RAB3C: variants seen among roughly 807,000 people sequenced by gnomAD.
The protein encoded by RAB3C is RAB3C, member RAS oncogene family, also known as ras-related protein Rab-3C.
In RAB3C, 17 loss-of-function variants were observed where a neutral mutation model predicts 26.4. The ratio of observed to expected loss-of-function variants is 0.64; its 90% confidence interval spans 0.44 to 0.97. RAB3C has a LOEUF of 0.97. Among genes scored for constraint, RAB3C ranks in the 50% least tolerant of loss-of-function variants. RAB3C has a pLI of 0.00. For missense variants in RAB3C, 242 were observed against 281.9 expected, an observed-to-expected ratio of 0.86 and a Z score of 1.01; for synonymous variants, 91 against 95.9, an observed-to-expected ratio of 0.95 and a Z score of 0.30.
intron 3 of RAB3C, among the ~76,000 whole-genome samples, chr5:58,761,845 C>T (rs896014806): frequency 2.0e-5 from 3 of 152,030 alleles, no homozygotes; most frequent in Non-Finnish European, 4.4e-5. Context: ...TGTATGAATT[C>T]CCAGGTACCT....
intron 1 of RAB3C, among the ~76,000 whole-genome samples, chr5:58,596,975 CAT>C (rs929129061): frequency 1.1e-3 from 89 of 78,606 alleles, no homozygotes; most frequent in African/African-American, 4.1e-3. Context: ...TACATATAAA[CAT>C]ATAATAATAT....
At chr5:58,659,025 G>A (rs965909036) in intron 2 of RAB3C, among the ~76,000 whole-genome samples, 2 of 152,144 alleles carry the variant, frequency 1.3e-5, no homozygotes, top group Non-Finnish European at 2.9e-5. Context: ...GATGGGAGAA[G>A]CCACAAAGTC....
intron 2 of RAB3C, among the ~76,000 whole-genome samples, chr5:58,643,630 T>G (rs1466287311): frequency 6.6e-6 from 1 of 152,060 alleles, no homozygotes; most frequent in African/African-American, 2.4e-5. Context: ...GAGCCGAGAT[T>G]GCAATACTGC....
In RAB3C at chr5:58,851,317, C is replaced by T; in HGVS notation, c.650C>T (p.Thr217Ile). 1 of 1,610,892 alleles carries T rather than the reference C, an allele frequency of 6.2e-7. No homozygotes were observed. Among genetic ancestry groups the T allele is most frequent in the South Asian group, 1.1e-5 (1 of 90,340 alleles). Residue 217 changes from threonine to isoleucine, a missense_variant, in exon 5 of 5, where the codon ACT becomes ATT. Transcript: ENST00000282878. ...AAGCAGAACACGAGACTCAAGGAAA[C>T]TCCTCCTCCACCGCAGCCCAACTGT... is the stretch of plus-strand genomic sequence containing the variant. ...AAKQNTRLKE[T>I]PPPPQPNCAC
chr5:58,758,700 A>T (rs1741728383), intron 3 of RAB3C, among the ~76,000 whole-genome samples: 1 of 152,190 alleles, frequency 6.6e-6, no homozygotes, highest in Admixed American at 6.5e-5. Flanking sequence ...AAAAGGAAAA[A>T]AGTAAACATA....
intron 3 of RAB3C, among the ~76,000 whole-genome samples, chr5:58,748,530 A>G (rs1741449205): frequency 6.6e-6 from 1 of 152,154 alleles, no homozygotes; most frequent in South Asian, 2.1e-4. Context: ...CTGGGGAAGA[A>G]TCATACCTCT....
chr5:58,781,805 G>T (rs972448998), intron 3 of RAB3C, among the ~76,000 whole-genome samples: 1 of 152,012 alleles, frequency 6.6e-6, no homozygotes, highest in Admixed American at 6.6e-5. Flanking sequence ...ATCCCACCCT[G>T]AACCAAACCA....
At chr5:58,595,654 C>T (rs909365908) in intron 1 of RAB3C, among the ~76,000 whole-genome samples, 9 of 152,148 alleles carry the variant, frequency 5.9e-5, no homozygotes, top group African/African-American at 2.2e-4. Context: ...TCTAAATATT[C>T]TAATTCTCCC....
At chr5:58,754,901 G>A (rs530430521) in intron 3 of RAB3C, among the ~76,000 whole-genome samples, 1 of 147,898 alleles carries the variant, frequency 6.8e-6, no homozygotes, top group South Asian at 2.1e-4. Context: ...TTTTTCTTCT[G>A]CACAAATCAA....
intron 3 of RAB3C, among the ~76,000 whole-genome samples, chr5:58,748,187 G>GC (rs1424843382): frequency 6.8e-6 from 1 of 147,054 alleles, no homozygotes; most frequent in Non-Finnish European, 1.5e-5. Flanking sequence ...GAATTTCAAG[G>GC]GGGGGGAAAT....
chr5:58,739,147 C>T (rs186010574), intron 3 of RAB3C, among the ~76,000 whole-genome samples: 1 of 152,306 alleles, frequency 6.6e-6, no homozygotes, highest in Non-Finnish European at 1.5e-5. Context: ...CAGTTATTTT[C>T]AGGACCATCG....
intron 3 of RAB3C, among the ~76,000 whole-genome samples, chr5:58,810,757 C>A (rs1223484877): frequency 1.3e-5 from 2 of 152,124 alleles, no homozygotes; most frequent in African/African-American, 4.8e-5. Context: ...TCACCATGCC[C>A]AGCTATTTTT....
At chr5:58,746,300 A>G (rs570420112) in intron 3 of RAB3C, among the ~76,000 whole-genome samples, 2 of 152,318 alleles carry the variant, frequency 1.3e-5, no homozygotes, top group African/African-American at 4.8e-5. Context: ...CCTGTGCATT[A>G]TCAGGCAGTC....
chr5:58,694,178 T>G (rs1333267169), intron 2 of RAB3C, among the ~76,000 whole-genome samples: 1 of 152,146 alleles, frequency 6.6e-6, no homozygotes, highest in Non-Finnish European at 1.5e-5. Flanking sequence ...AATGAGAACA[T>G]GCAGTCTTTG....
At chr5:58,800,469 C>T (rs1742780175) in intron 3 of RAB3C, among the ~76,000 whole-genome samples, 1 of 152,172 alleles carries the variant, frequency 6.6e-6, no homozygotes, top group African/African-American at 2.4e-5. Context: ...ACTTCCCTCC[C>T]ACTAGGAAAT....
chr5:58,812,032 T>C (rs570660440), intron 3 of RAB3C, among the ~76,000 whole-genome samples: 1 of 152,202 alleles, frequency 6.6e-6, no homozygotes, highest in South Asian at 2.1e-4. Flanking sequence ...CTACTGACTT[T>C]CTGAGCCCAA....
chr5:58,613,563 C>A (rs1746760359), intron 1 of RAB3C, among the ~76,000 whole-genome samples: 2 of 151,924 alleles, frequency 1.3e-5, no homozygotes, highest in Admixed American at 1.3e-4. Context: ...TAACAGAATA[C>A]ACATAAAGGT....
chr5:58,716,051 AAAAT>A (rs1192905400), intron 2 of RAB3C, among the ~76,000 whole-genome samples: 2 of 146,932 alleles, frequency 1.4e-5, no homozygotes, highest in African/African-American at 5.3e-5. Flanking sequence ...AAAAGGAAAA[AAAAT>A]AATAAATAAA....
intron 4 of RAB3C, among the ~76,000 whole-genome samples, chr5:58,832,015 A>G (rs1743623138): frequency 6.6e-6 from 1 of 152,176 alleles, no homozygotes; most frequent in South Asian, 2.1e-4. Flanking sequence ...ATTGAGAACC[A>G]CTGATTTACA....
Sources: allele counts gnomAD v4.1 joint callset (sites outside exome capture counted in the v4.1 genomes callset), GRCh38; gene constraint gnomAD v4.1.1; transcripts MANE v1.5; gene names NCBI Gene and HGNC (gene_info 2026-07-23, HGNC 2026-07-21).